IL10RB: variants seen among roughly 807,000 people sequenced by gnomAD.
IL10RB encodes interleukin-10 receptor subunit beta.
Under a neutral mutation model 38.7 loss-of-function variants are expected in IL10RB, and 30 were observed. That is an observed-to-expected ratio of 0.78 (90% confidence interval 0.58 to 1.05). The LOEUF (loss-of-function observed/expected upper bound fraction) is 1.05, where lower values mean the gene tolerates loss of function less well. IL10RB is among the 50% of genes least tolerant of loss of function. The pLI, the probability that IL10RB is intolerant of heterozygous loss-of-function variation, is 0.00. For synonymous variants in IL10RB, 142 were observed against 145.9 expected (o/e 0.97, Z 0.19); for missense variants, 328 against 397.1 (o/e 0.83, Z 1.48).
chr21:33,290,886 G>A lies in IL10RB; in HGVS notation c.804+2625G>A, dbSNP rs141368328. On this transcript the variant is annotated intron_variant, in intron 6 of 6. Transcript: ENST00000290200. ...GCTGTAGCAAAGTAGCACTCGTTGC[G>A]CAGCTGTAACAACGGGAATTGATTC... 1.1e-4 allele frequency among the ~76,000 whole-genome samples: 17 copies of A among 152,340 alleles called. No individual in the cohort carries two copies. The East Asian group carries it at 1.9e-3, about 17-fold the overall frequency.
At position 33,266,639 on chromosome 21, in the gene IL10RB, T is replaced by TG. The variant is rs1182520704; in HGVS notation, c.49+126dup. 2.3e-5 allele frequency: 21 copies of TG among 932,424 alleles called. No homozygotes were observed. In the South Asian group the frequency reaches 3.2e-4, roughly 14 times the overall value. The allele number at this position is 932,424 out of a possible 1,614,324, so 57.8% of individuals were successfully genotyped here. A position where few individuals can be genotyped will look rare whatever the true frequency, so the allele number is the denominator to read the frequency against. ...GCCTTCGGGGCCTCGGGAGAGAAGATGCAAACGCCACGGCCGGCTGCTGAG... is the reference window on the plus strand; with the variant it reads ...GCCTTCGGGGCCTCGGGAGAGAAGATGGCAAACGCCACGGCCGGCTGCTGAG... On this transcript the variant is annotated intron_variant, in intron 1 of 6. Transcript: ENST00000290200.
chr21:33,301,240 A>C (rs190515648), downstream of IL10RB, among the ~76,000 whole-genome samples: 8 of 152,264 alleles, frequency 5.3e-5, no homozygotes, highest in Admixed American at 4.6e-4. Flanking sequence ...AGACTCAGAG[A>C]CTCAACATGA....
chr21:33,284,061 C>G (rs1042127790), intron 5 of IL10RB, among the ~76,000 whole-genome samples: 1 of 152,002 alleles, frequency 6.6e-6, no homozygotes, highest in Admixed American at 6.6e-5. Flanking sequence ...TTTGAGAGGC[C>G]GAGGCGGGCG....
Position 33,269,860 on chromosome 21 carries a change from G to A in IL10RB, c.173+1343G>A, listed in dbSNP as rs557934347. On this transcript the variant is annotated intron_variant, in intron 2 of 6. Coordinates refer to ENST00000290200, the MANE Select transcript of IL10RB (RefSeq NM_000628.5). Reference sequence around the variant, plus strand: ...TTTTTAGTAGAGACGGGGTTTCACCGTGTTAGCCAGGATGGTCACTATCTC... The same window carrying A: ...TTTTTAGTAGAGACGGGGTTTCACCATGTTAGCCAGGATGGTCACTATCTC... Among the ~76,000 whole-genome samples the A allele has an allele frequency of 2.0e-4, 30 of 152,122 alleles. No individual in the cohort carries two copies. The East Asian group carries it at 5.0e-3, about 25-fold the overall frequency.
intron 2 of IL10RB, among the ~76,000 whole-genome samples, chr21:33,271,194 G>T (rs1989072816): frequency 6.6e-6 from 1 of 152,162 alleles, no homozygotes; most frequent in African/African-American, 2.4e-5. Context: ...GATCCCTAAA[G>T]ATGTGATTGC....
chr21:33,284,872 T>A (rs772562574), intron 5 of IL10RB, among the ~76,000 whole-genome samples: 1 of 152,194 alleles, frequency 6.6e-6, no homozygotes, highest in Non-Finnish European at 1.5e-5. Context: ...TCCTCTTTTC[T>A]TTATAAATTA....
downstream of IL10RB, among the ~76,000 whole-genome samples, chr21:33,298,823 CG>C (rs1247126915): frequency 6.6e-6 from 1 of 152,028 alleles, no homozygotes; most frequent in Non-Finnish European, 1.5e-5. Context: ...CAGGTGAATG[CG>C]GCAGCTGTGC....
At chr21:33,302,229 A>G (rs1275319513) in intron 1 of IL10RB, among the ~76,000 whole-genome samples, 3 of 152,252 alleles carry the variant, frequency 2.0e-5, no homozygotes, top group Non-Finnish European at 4.4e-5. Flanking sequence ...AAGAGGCTGG[A>G]GCTCAAGGTG....
downstream of IL10RB, among the ~76,000 whole-genome samples, chr21:33,301,425 T>C (rs1434172127): frequency 2.0e-5 from 3 of 152,226 alleles, no homozygotes; most frequent in Non-Finnish European, 4.4e-5. Context: ...GCTGTTGGAT[T>C]GTGATAAAAA....
chr21:33,285,525 G>GC (rs1989357258), intron 5 of IL10RB, among the ~76,000 whole-genome samples: 1 of 151,650 alleles, frequency 6.6e-6, no homozygotes, highest in South Asian at 2.1e-4. Context: ...CCTCTCTCCT[G>GC]CCCCCTGTGG....
chr21:33,308,421 G>A (rs1333889882), intron 1 of IL10RB: 1 of 152,146 alleles, frequency 6.6e-6, no homozygotes, highest in Non-Finnish European at 1.5e-5. Context: ...TATATTAATT[G>A]TTATATCTGA....
In IL10RB at chr21:33,288,189, G is replaced by A. The variant is rs1300270944; in HGVS notation, c.732G>A (p.Leu244=). 1 of 1,614,044 alleles carries A rather than the reference G, an allele frequency of 6.2e-7. No individual in the cohort carries two copies. The highest frequency in any genetic ancestry group is 1.7e-5 in the Admixed American group (1 of 60,012). ...TGGCACTCCTCGGCTGCTTCGCCTT[G>A]CTGTGGTGCGTTTACAAGAAGACAA... ...VCLALLGCFA[L]LWCVYKKTKY... The change falls in exon 6 of 7, where the codon TTG becomes TTA. Residue 244 remains leucine, a synonymous_variant. Transcript: ENST00000290200.
chr21:33,266,423 G>T lies in IL10RB; in HGVS notation c.-43G>T. ...CAAGCTCTCCCGGGCGCGGGCGGGG[G>T]TCGTGTGCTTGGAGGAAGCCGCGGA... On this transcript the variant is annotated 5_prime_UTR_variant, in exon 1 of 7. Transcript: ENST00000290200. 3 of 1,537,020 alleles carry T rather than the reference G, an allele frequency of 2.0e-6. No individual in the cohort carries two copies. The highest frequency in any genetic ancestry group is 2.6e-6 in the Non-Finnish European group (3 of 1,145,054).
intron 3 of IL10RB, among the ~76,000 whole-genome samples, chr21:33,277,652 TTTTC>T (rs1273982107): frequency 4.1e-4 from 54 of 130,804 alleles, no homozygotes; most frequent in African/African-American, 9.6e-4. Flanking sequence ...AATTTTCTTT[TTTTC>T]TTTCTTTCTT....
At chr21:33,307,117 T>G (rs1170096603) in intron 1 of IL10RB, among the ~76,000 whole-genome samples, 1 of 152,194 alleles carries the variant, frequency 6.6e-6, no homozygotes, top group East Asian at 1.9e-4. Flanking sequence ...CTCCTCATTC[T>G]GCAGGGGCTC....
chr21:33,301,689 C>T (rs1244782113), downstream of IL10RB, among the ~76,000 whole-genome samples: 1 of 152,246 alleles, frequency 6.6e-6, no homozygotes, highest in East Asian at 1.9e-4. Flanking sequence ...TTCCTATGTG[C>T]AGGTCTTGTT....
chr21:33,309,615 T>C (rs1217623712), exon 2 of IL10RB: 1 of 152,240 alleles, frequency 6.6e-6, no homozygotes, highest in Non-Finnish European at 1.5e-5. Context: ...GTGACCTGCA[T>C]ATAATGTAAA....
At chr21:33,294,332 G>A (rs1989547997) in intron 6 of IL10RB, among the ~76,000 whole-genome samples, 1 of 151,862 alleles carries the variant, frequency 6.6e-6, no homozygotes, top group Non-Finnish European at 1.5e-5. Context: ...CACTAGGGAG[G>A]TTCATCCTAC....
chr21:33,278,697 GGA>G (rs2123577450), intron 3 of IL10RB, among the ~76,000 whole-genome samples: 1 of 152,292 alleles, frequency 6.6e-6, no homozygotes, highest in South Asian at 2.1e-4. Context: ...ACCCAATATT[GGA>G]GATTTGCCTC....
Sources: allele counts gnomAD v4.1 joint callset (sites outside exome capture counted in the v4.1 genomes callset), GRCh38; gene constraint gnomAD v4.1.1; transcripts MANE v1.5; gene names NCBI Gene and HGNC (gene_info 2026-07-23, HGNC 2026-07-21).